Variants in ADAM18 observed in about 807,000 individuals in gnomAD.
ADAM18 encodes ADAM metallopeptidase domain 18, also known as disintegrin and metalloproteinase domain-containing protein 18.
In ADAM18, 117 loss-of-function variants were observed where a neutral mutation model predicts 94.4. The observed-to-expected ratio is 1.24, with a 90% CI of 1.07 to 1.45. The LOEUF is 1.45. Ranked by LOEUF, ADAM18 falls within the 40% of genes most tolerant of loss-of-function variation. The probability of loss-of-function intolerance (pLI) is 0.00; values close to 1 mark genes in which losing one functional copy is unlikely to be tolerated. For synonymous variants in ADAM18, 327 were observed against 291.6 expected, an observed-to-expected ratio of 1.12 and a Z score of -1.24; for missense variants, 936 against 880.0, an observed-to-expected ratio of 1.06 and a Z score of -0.81.
chr8:39,686,403 T>C (rs1821606242), intron 16 of ADAM18, among the ~76,000 whole-genome samples: 1 of 152,204 alleles, frequency 6.6e-6, no homozygotes, highest in South Asian at 2.1e-4. Flanking sequence ...TGCTTCAAAG[T>C]TGGTACCTTA....
intron 14 of ADAM18, among the ~76,000 whole-genome samples, chr8:39,676,591 TGCTCTTCTTGGGCAGGGGCAAC>T (rs1030892662): frequency 8.8e-5 from 4 of 45,606 alleles, no homozygotes; most frequent in Non-Finnish European, 8.3e-5. Flanking sequence ...CTCGACTCCT[TGCTCTTCTTGGGCAGGGGCAAC>T]GCCCCGCCCT....
At chr8:39,645,251 A>T in intron 10 of ADAM18, 87 bp from the exon 11 acceptor site, 1 of 1,177,666 alleles carries the variant, frequency 8.5e-7, no homozygotes, top group Non-Finnish European at 1.2e-6. Context: ...GTATTAAAAT[A>T]GAAAATATGA....
At chr8:39,660,602 C>T (rs1820809215) in intron 12 of ADAM18, among the ~76,000 whole-genome samples, 1 of 151,978 alleles carries the variant, frequency 6.6e-6, no homozygotes, top group African/African-American at 2.4e-5. Context: ...TAAATATTAA[C>T]AGACATTAAA....
intron 6 of ADAM18, among the ~76,000 whole-genome samples, chr8:39,621,943 G>A (rs1446074215): frequency 6.6e-6 from 1 of 152,154 alleles, no homozygotes; most frequent in African/African-American, 2.4e-5. Context: ...GATGAGAAGA[G>A]GAAGAGGATC....
chr8:39,716,853 G>A (rs1822593307), intron 18 of ADAM18, among the ~76,000 whole-genome samples: 1 of 151,884 alleles, frequency 6.6e-6, no homozygotes, highest in African/African-American at 2.4e-5. Context: ...TTCAGTCACT[G>A]TTTGCTTTAT....
chr8:39,643,588 A>G (rs1460723239), intron 10 of ADAM18, among the ~76,000 whole-genome samples: 6 of 152,116 alleles, frequency 3.9e-5, no homozygotes, highest in Admixed American at 6.6e-5. Flanking sequence ...TTCTGGATAA[A>G]ATAGAGTTCT....
At chr8:39,646,442 T>TAATGATA (rs1820379611) in intron 11 of ADAM18, among the ~76,000 whole-genome samples, 1 of 152,174 alleles carries the variant, frequency 6.6e-6, no homozygotes. Context: ...ATGATATATT[T>TAATGATA]TATGTAACCC....
intron 2 of ADAM18, among the ~76,000 whole-genome samples, chr8:39,598,106 G>T (rs1437346831): frequency 6.6e-6 from 1 of 152,074 alleles, no homozygotes; most frequent in African/African-American, 2.4e-5. Context: ...ATTGACTTTT[G>T]TATGTTTACC....
At chr8:39,655,989 G>A (rs2129579834) in intron 12 of ADAM18, among the ~76,000 whole-genome samples, 1 of 152,038 alleles carries the variant, frequency 6.6e-6, no homozygotes, top group South Asian at 2.1e-4. Flanking sequence ...CTTAATCAAT[G>A]CAAGGATATG....
chr8:39,617,246 C>G (rs1819469332), intron 6 of ADAM18, among the ~76,000 whole-genome samples: 1 of 152,240 alleles, frequency 6.6e-6, no homozygotes, highest in South Asian at 2.1e-4. Context: ...TGAAAAAATG[C>G]TCATCATCAG....
rs201138615 is a variant in ADAM18, at chr8:39,629,448, G to T, written c.588+9G>T. ...TAGTGGAAAAAGCTTTGGTAAGTAT[G>T]CTTTCAAGAGGTCTTTCAAGAAGGA... On this transcript the variant is annotated intron_variant, in intron 7 of 19. Coordinates refer to ENST00000265707, the MANE Select transcript of ADAM18 (RefSeq NM_014237.3). 1.3e-6 allele frequency: 2 copies of T among 1,549,264 alleles called. No individual in the cohort carries two copies. Among genetic ancestry groups the T allele is most frequent in the Non-Finnish European group, 1.8e-6 (2 of 1,141,128 alleles).
chr8:39,686,472 C>T (rs947877216), intron 16 of ADAM18, among the ~76,000 whole-genome samples: 2 of 152,124 alleles, frequency 1.3e-5, no homozygotes, highest in African/African-American at 4.8e-5. Flanking sequence ...TTTATTAAGG[C>T]GCTAATCTCA....
intron 12 of ADAM18, among the ~76,000 whole-genome samples, chr8:39,648,885 C>T (rs898978250): frequency 3.3e-5 from 5 of 152,098 alleles, no homozygotes; most frequent in Non-Finnish European, 7.4e-5. Flanking sequence ...CCAAATTTTT[C>T]CCTATCTCTT....
intron 17 of ADAM18, among the ~76,000 whole-genome samples, chr8:39,701,894 G>T (rs1169889108): frequency 6.6e-6 from 1 of 152,096 alleles, no homozygotes. Context: ...ATCCTTGATG[G>T]GCATTTAGGT....
At chr8:39,642,974 T>A (rs902757264) in intron 10 of ADAM18, among the ~76,000 whole-genome samples, 4 of 152,160 alleles carry the variant, frequency 2.6e-5, no homozygotes, top group African/African-American at 9.7e-5. Context: ...CAGTGGTTTG[T>A]GATGCTCCTT....
At chr8:39,723,517 A>C (rs1355194983) in intron 18 of ADAM18, among the ~76,000 whole-genome samples, 3 of 151,692 alleles carry the variant, frequency 2.0e-5, no homozygotes, top group African/African-American at 7.2e-5. Context: ...TGCAGCAAAC[A>C]GCACTCTAAA....
At chr8:39,598,004 G>T (rs1045725329) in intron 2 of ADAM18, among the ~76,000 whole-genome samples, 2 of 152,052 alleles carry the variant, frequency 1.3e-5, no homozygotes, top group African/African-American at 4.8e-5. Flanking sequence ...TGCTAGATTT[G>T]TATCTAAATA....
At chr8:39,685,209 G>A (rs1277019234) in intron 16 of ADAM18, 1 of 152,338 alleles carries the variant, frequency 6.6e-6, no homozygotes, top group African/African-American at 2.4e-5. Context: ...CCAGGTGAAG[G>A]CAGCCATGCC....
At chr8:39,643,085 G>T (rs1003348651) in intron 10 of ADAM18, among the ~76,000 whole-genome samples, 3 of 152,056 alleles carry the variant, frequency 2.0e-5, no homozygotes, top group African/African-American at 7.2e-5. Flanking sequence ...CTCTTGGCTT[G>T]ATTATTGTTG....
Sources: allele counts gnomAD v4.1 joint callset (sites outside exome capture counted in the v4.1 genomes callset), GRCh38; gene constraint gnomAD v4.1.1; transcripts MANE v1.5; gene names NCBI Gene and HGNC (gene_info 2026-07-23, HGNC 2026-07-21).